The following BFAR variants were observed in gnomAD, a reference collection of about 807,000 sequenced individuals.
The protein encoded by BFAR is bifunctional apoptosis regulator.
A neutral mutation model predicts 54.4 loss-of-function variants in BFAR; 52 were observed. The observed-to-expected ratio is 0.96, with a 90% confidence interval of 0.77 to 1.21. The LOEUF (loss-of-function observed/expected upper bound fraction) is 1.21. BFAR is among the 50% of genes most tolerant of loss of function. The pLI, the probability that BFAR is intolerant of heterozygous loss-of-function variation, is 0.00. For missense variants in BFAR, 571 were observed against 534.0 expected (o/e 1.07, Z -0.68); for synonymous variants, 215 against 204.3 (o/e 1.05, Z -0.45).
intron 5 of BFAR, among the ~76,000 whole-genome samples, chr16:14,659,319 G>A (rs1960223204): frequency 6.7e-6 from 1 of 150,188 alleles, no homozygotes; most frequent in Admixed American, 6.6e-5. Context: ...TTGGCTCACT[G>A]CAACCTCCAC....
chr16:14,644,894 G>A (rs946959083), intron 2 of BFAR, among the ~76,000 whole-genome samples: 1 of 152,126 alleles, frequency 6.6e-6, no homozygotes, highest in African/African-American at 2.4e-5. Flanking sequence ...TCTGGAATAT[G>A]AGTCAGGGAG....
At chr16:14,637,651 C>T (rs1959492874) in intron 1 of BFAR, among the ~76,000 whole-genome samples, 1 of 152,218 alleles carries the variant, frequency 6.6e-6, no homozygotes, top group East Asian at 1.9e-4. Flanking sequence ...GCCTGGCCAA[C>T]ATGGTGAAAC....
Position 14,649,820 on chromosome 16 carries a change from A to G in BFAR, c.485A>G (p.Tyr162Cys), listed in dbSNP as rs374646053. 2.1e-5 allele frequency: 34 copies of G among 1,607,342 alleles called. No homozygotes were observed. The highest frequency in any genetic ancestry group is 4.4e-5 in the South Asian group (4 of 90,174). ...TTTCCCCAGGTGGTCCTGCTCGTCT[A>G]TCACTGGAGCAGCAGGGAATCTGAA... Reference protein sequence around the residue: ...LTGVAVVLLVYHWSSRESEHD... With the variant: ...LTGVAVVLLVCHWSSRESEHD... Residue 162 changes from tyrosine to cysteine, a missense_variant, in exon 4 of 8, where the codon TAT becomes TGT. By Grantham distance (194) the Tyr-to-Cys change is radical. Coordinates refer to ENST00000261658, the MANE Select transcript of BFAR (RefSeq NM_016561.3).
chr16:14,649,079 T>C lies in BFAR; in HGVS notation c.468+487T>C, dbSNP rs1359391127. 8.1e-5 allele frequency among the ~76,000 whole-genome samples: 12 copies of C among 148,544 alleles called. 1 individual carries two copies. In the South Asian group the frequency reaches 2.6e-3, roughly 32 times the overall value. On this transcript the variant is annotated intron_variant, in intron 3 of 7. Coordinates refer to ENST00000261658, the MANE Select transcript of BFAR (RefSeq NM_016561.3). The stretch of plus-strand genomic sequence containing the variant: ...GATTACATCTCTTGCTCTTTTTTTT[T>C]TTTTTTTTTTTTTTGAGATGAAGTC...
intron 1 of BFAR, among the ~76,000 whole-genome samples, chr16:14,642,890 T>A (rs567606069): frequency 9.2e-5 from 14 of 152,174 alleles, no homozygotes; most frequent in Non-Finnish European, 1.9e-4. Context: ...GGGAATTTAA[T>A]TGAGGCCAGG....
At chr16:14,646,295 C>T (rs1256211843) in intron 2 of BFAR, among the ~76,000 whole-genome samples, 1 of 152,160 alleles carries the variant, frequency 6.6e-6, no homozygotes, top group East Asian at 1.9e-4. Flanking sequence ...TCAGATGATC[C>T]GCCCACCTTG....
At chr16:14,661,639 G>A (rs954245075) in intron 5 of BFAR, among the ~76,000 whole-genome samples, 2 of 151,992 alleles carry the variant, frequency 1.3e-5, no homozygotes, top group African/African-American at 4.8e-5. Flanking sequence ...CTAACCTCAA[G>A]TGATCCGTCC....
intron 1 of BFAR, among the ~76,000 whole-genome samples, chr16:14,641,401 C>T (rs897377110): frequency 6.6e-6 from 1 of 152,132 alleles, no homozygotes; most frequent in African/African-American, 2.4e-5. Flanking sequence ...GAGGCCTTCT[C>T]AAAGAGGCCT....
At chr16:14,662,268 T>C (rs1373212280) in intron 6 of BFAR, among the ~76,000 whole-genome samples, 2 of 152,174 alleles carry the variant, frequency 1.3e-5, no homozygotes, top group African/African-American at 4.8e-5. Context: ...GTCACATGCA[T>C]AGAGGAATCA....
In BFAR at chr16:14,661,798, AG is replaced by A. The variant is rs1423761691; in HGVS notation, c.784-92del. On this transcript the variant is annotated intron_variant, in intron 5 of 7. Transcript: ENST00000261658. ...CATGCATTGTGTGTACCATGCAAAA[AG>A]GCTGATGGCAACAAGCGAGAGATGG... 7 of 1,391,106 alleles carry A rather than the reference AG, an allele frequency of 5.0e-6. No homozygotes were observed. In the African/African-American group the frequency reaches 1.0e-4, roughly 20 times the overall value. 86.2% of individuals were successfully genotyped at this position (1,391,106 alleles called of 1,614,324 possible).
At chr16:14,658,795 T>A (rs949325939) in intron 5 of BFAR, among the ~76,000 whole-genome samples, 2 of 151,954 alleles carry the variant, frequency 1.3e-5, no homozygotes, top group Admixed American at 1.3e-4. Flanking sequence ...CTAAGTAACT[T>A]CTTCTTCACT....
intron 1 of BFAR, among the ~76,000 whole-genome samples, chr16:14,638,146 G>C (rs1297119331): frequency 1.3e-5 from 2 of 152,146 alleles, no homozygotes; most frequent in South Asian, 2.1e-4. Flanking sequence ...CCTTTGGGAA[G>C]CTGAGACCAG....
chr16:14,663,426 G>A (rs1203199530), intron 6 of BFAR, among the ~76,000 whole-genome samples: 1 of 152,018 alleles, frequency 6.6e-6, no homozygotes, highest in East Asian at 1.9e-4. Flanking sequence ...CCATCTCCCG[G>A]GTTCATGCCA....
intron 5 of BFAR, among the ~76,000 whole-genome samples, chr16:14,656,144 G>C (rs1425143640): frequency 1.3e-5 from 2 of 151,964 alleles, no homozygotes; most frequent in Admixed American, 1.3e-4. Context: ...TTGAGGCTGC[G>C]GTAGCCGAGA....
At chr16:14,657,327 C>T (rs939494362) in intron 5 of BFAR, among the ~76,000 whole-genome samples, 13 of 151,954 alleles carry the variant, frequency 8.6e-5, no homozygotes, top group Admixed American at 6.6e-4. Context: ...CAGCTCACTG[C>T]AAGCTCTGCC....
intron 5 of BFAR, among the ~76,000 whole-genome samples, chr16:14,661,027 C>T (rs1960273565): frequency 6.6e-6 from 1 of 151,978 alleles, no homozygotes; most frequent in Non-Finnish European, 1.5e-5. Flanking sequence ...ACCACGCTTA[C>T]CCTGAATAAT....
At position 14,649,871 on chromosome 16, in the gene BFAR, TGGCCAAATG is replaced by T. The variant is rs760095221; in HGVS notation, c.538_546del (p.Ala180_Trp182del). 6.2e-7 allele frequency: 1 copy of T among 1,613,454 alleles called. No individual in the cohort carries two copies. Among genetic ancestry groups the T allele is most frequent in the Non-Finnish European group, 8.5e-7 (1 of 1,179,666 alleles). ...CACGACCTCCTGGTCCACAAGGCTG[TGGCCAAATG>T]GACGGCGGAAGAAGTTGTCCTCTGG... On this transcript the variant is annotated inframe_deletion, in exon 4 of 8. Transcript: ENST00000261658.
At chr16:14,636,484 A>G (rs1435076486) in intron 1 of BFAR, among the ~76,000 whole-genome samples, 1 of 152,254 alleles carries the variant, frequency 6.6e-6, no homozygotes, top group Non-Finnish European at 1.5e-5. Context: ...TCAATGCCTT[A>G]CAGAGCGGTA....
At chr16:14,640,012 G>A (rs1232189672) in intron 1 of BFAR, among the ~76,000 whole-genome samples, 1 of 151,900 alleles carries the variant, frequency 6.6e-6, no homozygotes, top group African/African-American at 2.4e-5. Flanking sequence ...TTAGCCAGGT[G>A]TGGTGGCGCA....
Sources: gnomAD v4.1 joint callset for allele counts (sites outside exome capture counted in the v4.1 genomes callset) on GRCh38, gnomAD v4.1.1 for gene constraint, MANE v1.5 for transcripts, NCBI Gene and HGNC (gene_info 2026-07-23, HGNC 2026-07-21) for gene names.